The following DLGAP1 variants were observed in gnomAD, a reference collection of about 807,000 sequenced individuals.
DLGAP1 encodes disks large-associated protein 1.
A neutral mutation model predicts 90.8 loss-of-function variants in DLGAP1; 11 were observed. The observed-to-expected ratio is 0.12, with a 90% confidence interval of 0.08 to 0.20. DLGAP1 has a LOEUF of 0.20. Ranked by LOEUF, DLGAP1 falls within the 10% of genes least tolerant of loss-of-function variation. The probability of loss-of-function intolerance (pLI) is 1.00; values close to 1 mark genes in which losing one functional copy is unlikely to be tolerated. For synonymous variants in DLGAP1, 558 were observed against 540.7 expected (o/e 1.03, Z -0.44); for missense variants, 1,050 against 1,333.8 (o/e 0.79, Z 3.31).
chr18:3,835,236 C>T (rs1174720634), intron 4 of DLGAP1, among the ~76,000 whole-genome samples: 1 of 152,128 alleles, frequency 6.6e-6, no homozygotes, highest in African/African-American at 2.4e-5. Flanking sequence ...GATGAGATGA[C>T]ATTTGTGGGT....
chr18:3,806,621 A>C (rs537680101), intron 5 of DLGAP1, among the ~76,000 whole-genome samples: 1 of 152,346 alleles, frequency 6.6e-6, no homozygotes, highest in South Asian at 2.1e-4. Context: ...CGTTGTCTGC[A>C]CTTTAACGGG....
chr18:4,119,164 A>G (rs7243243), intron 2 of DLGAP1, among the ~76,000 whole-genome samples: 77,723 of 151,942 alleles, frequency 0.51, 20,897 homozygotes, highest in African/African-American at 0.68. Flanking sequence ...TGATCACAGT[A>G]CACTATAGCC....
chr18:3,582,241 A>G lies in DLGAP1; in HGVS notation c.1599T>C (p.Ser533=), dbSNP rs2055564082. Residue 533 remains serine (S), a synonymous_variant, in exon 8 of 13, where the codon TCT becomes TCC. Coordinates refer to ENST00000315677, the MANE Select transcript of DLGAP1 (RefSeq NM_004746.4). ...GTGTCTTCTTATATGTTGTAATGCA[A>G]GATGACACTGGAAGACAGTGAAAAC... ...VRTIQSSTVS[S]CITTYKKTPP... is the part of the protein sequence containing the mutation. The G allele has an allele frequency of 6.2e-7, 1 of 1,611,742 alleles. No individual in the cohort carries two copies. Among genetic ancestry groups the G allele is most frequent in the African/African-American group, 1.3e-5 (1 of 74,934 alleles).
intron 1 of DLGAP1, chr18:4,280,955 G>T (rs1272534313): frequency 2.6e-5 from 4 of 152,122 alleles, no homozygotes; most frequent in African/African-American, 9.7e-5. Context: ...CATGGCCTTG[G>T]TGGAAATATA....
At chr18:3,738,179 C>T (rs1201129429) in intron 6 of DLGAP1, among the ~76,000 whole-genome samples, 17 of 149,542 alleles carry the variant, frequency 1.1e-4, no homozygotes, top group Non-Finnish European at 1.9e-4. Flanking sequence ...GAATCAATAT[C>T]GTGAAAATGG....
chr18:4,034,139 T>C (rs1388776436), intron 2 of DLGAP1, among the ~76,000 whole-genome samples: 1 of 149,592 alleles, frequency 6.7e-6, no homozygotes, highest in Non-Finnish European at 1.5e-5. Flanking sequence ...CCTCCTGGGT[T>C]CAAGCGATTC....
intron 2 of DLGAP1, among the ~76,000 whole-genome samples, chr18:4,128,863 C>A (rs572937912): frequency 6.6e-6 from 1 of 152,276 alleles, no homozygotes; most frequent in African/African-American, 2.4e-5. Context: ...CTCTGAAGAC[C>A]TTGACTGAAC....
intron 5 of DLGAP1, among the ~76,000 whole-genome samples, chr18:3,749,148 CT>C (rs776707431): frequency 0.036 from 4,301 of 120,610 alleles, 50 homozygotes; most frequent in African/African-American, 0.069. Flanking sequence ...TCTTCTTCTT[CT>C]TTTTTTTTTT....
chr18:4,068,092 A>G (rs565393410), intron 2 of DLGAP1, among the ~76,000 whole-genome samples: 97 of 152,182 alleles, frequency 6.4e-4, no homozygotes, highest in African/African-American at 2.1e-3. Flanking sequence ...CTTCTCATTT[A>G]GACATATTCC....
chr18:4,021,173 C>T (rs1382290380), intron 2 of DLGAP1, among the ~76,000 whole-genome samples: 1 of 152,226 alleles, frequency 6.6e-6, no homozygotes, highest in Non-Finnish European at 1.5e-5. Context: ...GTACAGGCGG[C>T]TCTGCGTGAA....
At chr18:4,166,552 G>C (rs1193534751) in intron 1 of DLGAP1, among the ~76,000 whole-genome samples, 4 of 152,156 alleles carry the variant, frequency 2.6e-5, no homozygotes, top group Non-Finnish European at 5.9e-5. Context: ...CCTCTTCTGG[G>C]TATATACCCA....
chr18:4,063,600 C>T (rs4564685), intron 2 of DLGAP1, among the ~76,000 whole-genome samples: 65,664 of 151,696 alleles, frequency 0.43, 15,171 homozygotes, highest in African/African-American at 0.6. Flanking sequence ...ACCTTCCATG[C>T]CTTTCCTCAG....
chr18:3,635,132 A>AT lies in DLGAP1; in HGVS notation c.1592-52885dup, dbSNP rs149375716. ...AGTCAAGAGTCTGGTTGTCTGTCCC[A>AT]TTTTTTTTTTTTTTTTGAGAGGGAG... On this transcript the variant is annotated intron_variant, in intron 7 of 12. Coordinates refer to ENST00000315677, the MANE Select transcript of DLGAP1 (RefSeq NM_004746.4). Among the ~76,000 whole-genome samples, 424 of 140,212 alleles carry AT rather than the reference A, an allele frequency of 3.0e-3. 1 individual carries two copies. Among genetic ancestry groups the AT allele is most frequent in the Admixed American group, 5.2e-3 (72 of 13,972 alleles). The allele number at this position is 140,212 out of a possible 152,430, so 92.0% of individuals were successfully genotyped here. A position where few individuals can be genotyped will look rare whatever the true frequency, so the allele number is the denominator to read the frequency against.
intron 5 of DLGAP1, among the ~76,000 whole-genome samples, chr18:3,813,774 C>G (rs1326391949): frequency 1.3e-5 from 2 of 151,892 alleles, no homozygotes; most frequent in Non-Finnish European, 2.9e-5. Context: ...TTTTCAGAAG[C>G]CATTCTGGAT....
At chr18:4,371,486 T>C (rs1239189780) in intron 1 of DLGAP1, among the ~76,000 whole-genome samples, 1 of 152,254 alleles carries the variant, frequency 6.6e-6, no homozygotes, top group Non-Finnish European at 1.5e-5. Context: ...CCTCTTAACC[T>C]GCAAAGAATC....
At chr18:4,326,590 C>T (rs910516068) in intron 1 of DLGAP1, among the ~76,000 whole-genome samples, 15 of 152,056 alleles carry the variant, frequency 9.9e-5, no homozygotes, top group African/African-American at 3.4e-4. Flanking sequence ...CGGAATCAAA[C>T]TAAATGCACA....
intron 2 of DLGAP1, among the ~76,000 whole-genome samples, chr18:4,056,737 C>G (rs765463459): frequency 6.6e-6 from 1 of 152,080 alleles, no homozygotes; most frequent in Non-Finnish European, 1.5e-5. Context: ...TTGAGACATA[C>G]ACTAAAAAAT....
Position 4,183,237 on chromosome 18 carries a change from C to A in DLGAP1, c.-266-31950G>T, listed in dbSNP as rs2077237841. 2.0e-5 allele frequency among the ~76,000 whole-genome samples: 3 copies of A among 152,034 alleles called. No homozygotes were observed. The South Asian group carries it at 6.2e-4, about 31-fold the overall frequency. On this transcript the variant is annotated intron_variant, in intron 1 of 12. Transcript: ENST00000315677. ...TGTGCATAGCTTGATGACTACCAGGCAAACCATTTTCCCTAATTGAGATTT... is the reference window on the plus strand; with the variant it reads ...TGTGCATAGCTTGATGACTACCAGGAAAACCATTTTCCCTAATTGAGATTT...
At chr18:4,257,056 C>T (rs962759623) in intron 1 of DLGAP1, among the ~76,000 whole-genome samples, 2 of 152,146 alleles carry the variant, frequency 1.3e-5, no homozygotes, top group South Asian at 2.1e-4. Context: ...CGTGTACTCA[C>T]AGTAGAAAGG....
Sources: allele counts gnomAD v4.1 joint callset (sites outside exome capture counted in the v4.1 genomes callset), GRCh38; gene constraint gnomAD v4.1.1; transcripts MANE v1.5; gene names NCBI Gene and HGNC (gene_info 2026-07-23, HGNC 2026-07-21).